Variants in WDR19 observed in about 807,000 individuals in gnomAD.
WDR19 encodes the protein WD repeat domain 19.
In WDR19, 121 loss-of-function variants were observed where a neutral mutation model predicts 180.0. The observed-to-expected ratio is 0.67, with a 90% CI of 0.58 to 0.78. WDR19 has a LOEUF of 0.78. Among genes scored for constraint, WDR19 ranks in the 30% least tolerant of loss-of-function variants. WDR19 has a pLI of 0.00. For missense variants in WDR19, 1,450 were observed against 1,640.7 expected, an observed-to-expected ratio of 0.88 and a Z score of 2.01; for synonymous variants, 497 against 540.7, an observed-to-expected ratio of 0.92 and a Z score of 1.12.
chr4:39,193,165 C>CT (rs530738984), intron 4 of WDR19, among the ~76,000 whole-genome samples: 1,855 of 142,684 alleles, frequency 0.013, 17 homozygotes, highest in African/African-American at 0.021. Context: ...TTTTTCTTTT[C>CT]TTTTTTTTTT....
Position 39,264,757 on chromosome 4 carries a change from C to T in WDR19, c.3184-1306C>T, listed in dbSNP as rs573219452. On this transcript the variant is annotated intron_variant, in intron 28 of 36. Transcript: ENST00000399820. Reference sequence around the variant, plus strand: ...TAATAGACACACAATTCTGAAGCCTCCTAATTTTGTCAGTAATTCCCTAGT... The same window carrying T: ...TAATAGACACACAATTCTGAAGCCTTCTAATTTTGTCAGTAATTCCCTAGT... 5.3e-5 allele frequency among the ~76,000 whole-genome samples: 8 copies of T among 152,220 alleles called. No homozygotes were observed. The South Asian group carries it at 1.5e-3, about 28-fold the overall frequency.
chr4:39,272,806 A>G (rs1304022281), intron 31 of WDR19, among the ~76,000 whole-genome samples, 174 bp from the exon 32 acceptor site: 3 of 152,218 alleles, frequency 2.0e-5, no homozygotes, highest in Non-Finnish European at 4.4e-5. Context: ...GCCAGGCAGT[A>G]GCTGTTGAAG....
intron 33 of WDR19, 117 bp downstream of exon 33, chr4:39,275,075 C>T (rs971520141): frequency 1.0e-5 from 13 of 1,282,342 alleles, no homozygotes; most frequent in Non-Finnish European, 1.4e-5. Flanking sequence ...TGCAGTGGCT[C>T]ACACCTATAA....
rs558342029 is a variant in WDR19, at chr4:39,250,307, C to T, written c.2730-2839C>T. Among the ~76,000 whole-genome samples the T allele has an allele frequency of 2.4e-4, 36 of 152,274 alleles. No homozygotes were observed. The South Asian group carries it at 5.4e-3, about 23-fold the overall frequency. On this transcript the variant is annotated intron_variant, in intron 24 of 36. Coordinates refer to ENST00000399820, the MANE Select transcript of WDR19 (RefSeq NM_025132.4). ...AAAGGCCTTTGACAAAATTCAACAA[C>T]GCTTCATGCTAAAAGCTCTCAATAA...
rs1376704482 is a variant in WDR19, at chr4:39,186,567, C to T, written c.127C>T (p.Arg43Cys). ...TGATTATATTGTGAAAATCTTTGAT[C>T]GCCATGGTCAAAAAAGAAGTGAAAT... The part of the protein sequence containing the change: ...GADYIVKIFD[R>C]HGQKRSEINL... The change falls in exon 3 of 37, where the codon CGC (arginine) becomes TGC (cysteine). Residue 43 changes from arginine to cysteine, a missense_variant. Transcript: ENST00000399820. The T allele has an allele frequency of 1.9e-6, 3 of 1,573,274 alleles. No homozygotes were observed. The highest frequency in any genetic ancestry group is 1.8e-5 in the Admixed American group (1 of 54,898).
intron 31 of WDR19, among the ~76,000 whole-genome samples, chr4:39,270,921 A>G (rs1457233703): frequency 1.5e-5 from 2 of 137,770 alleles, no homozygotes; most frequent in African/African-American, 5.6e-5. Context: ...TTGAGATGGA[A>G]TCTCACTCTG....
chr4:39,267,432 C>T (rs1734926052), intron 29 of WDR19, among the ~76,000 whole-genome samples: 1 of 152,190 alleles, frequency 6.6e-6, no homozygotes, highest in South Asian at 2.1e-4. Flanking sequence ...AGCCACCTCC[C>T]ATGGTGTCCA....
intron 1 of WDR19, among the ~76,000 whole-genome samples, chr4:39,184,777 C>T (rs1725338347): frequency 6.6e-6 from 1 of 152,190 alleles, no homozygotes; most frequent in Non-Finnish European, 1.5e-5. Flanking sequence ...AAATGGGCAT[C>T]ATTGTTTAAT....
chr4:39,187,174 A>G (rs567643117), intron 3 of WDR19, among the ~76,000 whole-genome samples: 5 of 152,294 alleles, frequency 3.3e-5, no homozygotes, highest in Admixed American at 6.5e-5. Flanking sequence ...TAATCCCAGC[A>G]CTTTGGGAGG....
chr4:39,283,611 ACAC>A (rs1194950510), intron 36 of WDR19, among the ~76,000 whole-genome samples: 2 of 152,264 alleles, frequency 1.3e-5, no homozygotes, highest in Non-Finnish European at 2.9e-5. Context: ...ATACACACAC[ACAC>A]AAATATACAT....
rs202194957 is a variant in WDR19 at position 39,284,314 on chromosome 4, C to CTAAG, written c.*14-1165_*14-1162dup. Among the ~76,000 whole-genome samples the CTAAG allele has an allele frequency of 8.7e-3, 1,224 of 140,994 alleles. 17 individuals carry two copies. Among genetic ancestry groups the CTAAG allele is most frequent in the African/African-American group, 0.03 (1,168 of 38,320 alleles). The allele number at this position is 140,994 out of a possible 152,430, so 92.5% of individuals were successfully genotyped here. On this transcript the variant is annotated intron_variant, in intron 36 of 36. Coordinates refer to ENST00000399820, the MANE Select transcript of WDR19 (RefSeq NM_025132.4). ...ATATTCTAGTTCACTGACCTTTCTT[C>CTAAG]TAAGTAAGTAAAAAAAATTTTTTTT...
rs142037096 is a variant in WDR19, at chr4:39,220,560, A to ATTTTTTTTTTT, written c.1479+2469_1479+2479dup. ...TTTTTTTTAGAAACAGACCTCCTTGATTTTTTTTTTTTTTTTTTTTTTTTG... is the reference window on the plus strand; with the variant it reads ...TTTTTTTTAGAAACAGACCTCCTTGATTTTTTTTTTTTTTTTTTTTTTTTTTTTTTTTTTTG... On this transcript the variant is annotated intron_variant, in intron 14 of 36. Coordinates refer to ENST00000399820, the MANE Select transcript of WDR19 (RefSeq NM_025132.4). 7.8e-5 allele frequency among the ~76,000 whole-genome samples: 5 copies of ATTTTTTTTTTT among 64,376 alleles called. 1 individual carries two copies. Among genetic ancestry groups the ATTTTTTTTTTT allele is most frequent in the African/African-American group, 1.5e-4 (2 of 13,774 alleles). The allele number at this position is 64,376 out of a possible 152,430, so 42.2% of individuals were successfully genotyped here. A position where few individuals can be genotyped will look rare whatever the true frequency, so the allele number is the denominator to read the frequency against.
At chr4:39,218,149 T>C (rs745554193) in intron 14 of WDR19, 44 bp downstream of exon 14, 3 of 1,570,182 alleles carry the variant, frequency 1.9e-6, no homozygotes, top group Non-Finnish European at 2.6e-6. Context: ...GAATTTTTAA[T>C]TTTTATTTTG....
intron 19 of WDR19, among the ~76,000 whole-genome samples, chr4:39,232,492 G>T (rs767264846): frequency 6.6e-6 from 1 of 152,148 alleles, no homozygotes; most frequent in Admixed American, 6.5e-5. Context: ...GGACGTGGTG[G>T]CATGTGCCTG....
intron 25 of WDR19, among the ~76,000 whole-genome samples, chr4:39,253,642 G>T (rs1733469345): frequency 6.6e-6 from 1 of 152,048 alleles, no homozygotes; most frequent in Admixed American, 6.6e-5. Context: ...AGCTGGGTGT[G>T]GTGGTGCATG....
chr4:39,273,613 A>G (rs1213998522), intron 32 of WDR19: 1 of 152,498 alleles, frequency 6.6e-6, no homozygotes, highest in East Asian at 1.9e-4. Context: ...GCCACTCATC[A>G]GTTCTGGAAA....
intron 33 of WDR19, 159 bp from the exon 34 acceptor site, chr4:39,276,861 C>A: frequency 1.1e-6 from 1 of 876,222 alleles, no homozygotes; most frequent in Non-Finnish European, 1.8e-6. Flanking sequence ...TGGAGTGGAT[C>A]AAGGGCTGGT....
chr4:39,199,706 ATG>A lies in WDR19; in HGVS notation c.522+125_522+126del, dbSNP rs200776085. On this transcript the variant is annotated intron_variant, in intron 6 of 36. Transcript: ENST00000399820. ...TTAAAAATCTATATGTGAGGTATAT[ATG>A]TGTGTGTGTGTATACACAATAACTT... 1.2e-3 allele frequency: 953 copies of A among 777,182 alleles called. 11 individuals are homozygous for A. The East Asian group carries it at 0.018, about 15-fold the overall frequency. The allele number at this position is 777,182 out of a possible 1,614,324, so 48.1% of individuals were successfully genotyped here.
intron 28 of WDR19, 98 bp downstream of exon 28, chr4:39,257,652 T>C (rs1733892076): frequency 9.7e-7 from 1 of 1,032,556 alleles, no homozygotes; most frequent in Non-Finnish European, 1.5e-6. Context: ...CAAACAGTAT[T>C]ACAAACCCCT....
Sources: gnomAD v4.1 joint callset for allele counts (sites outside exome capture counted in the v4.1 genomes callset) on GRCh38, gnomAD v4.1.1 for gene constraint, MANE v1.5 for transcripts, NCBI Gene and HGNC (gene_info 2026-07-23, HGNC 2026-07-21) for gene names.